HIBADH: variants seen among roughly 807,000 people sequenced by gnomAD.
HIBADH encodes 3-hydroxyisobutyrate dehydrogenase, also known as 3-hydroxyisobutyrate dehydrogenase, mitochondrial.
In HIBADH, 25 loss-of-function variants were observed where a neutral mutation model predicts 36.1. The ratio of observed to expected loss-of-function variants is 0.69; its 90% CI spans 0.50 to 0.97. HIBADH has a LOEUF of 0.97. Among genes scored for constraint, HIBADH ranks in the 50% least tolerant of loss-of-function variants. The pLI is 0.00. For synonymous variants in HIBADH, 160 were observed against 149.5 expected (o/e 1.07, Z -0.51); for missense variants, 421 against 418.0 (o/e 1.01, Z -0.06).
chr7:27,642,915 T>C (rs942864554), intron 2 of HIBADH, among the ~76,000 whole-genome samples: 86 of 152,244 alleles, frequency 5.6e-4, no homozygotes, highest in African/African-American at 1.9e-3. Context: ...CCTCCCAAAG[T>C]GCTGGGATTA....
chr7:27,557,711 A>G (rs1265802458), intron 4 of HIBADH, among the ~76,000 whole-genome samples: 1 of 152,140 alleles, frequency 6.6e-6, no homozygotes, highest in Non-Finnish European at 1.5e-5. Flanking sequence ...AGCTTCTTAT[A>G]AGGGGGCCTA....
intron 1 of HIBADH, among the ~76,000 whole-genome samples, chr7:27,650,255 C>T (rs1375492067): frequency 7.0e-6 from 1 of 143,142 alleles, no homozygotes; most frequent in East Asian, 2.1e-4. Context: ...CCCACAGTTA[C>T]AGAAACCATC....
chr7:27,632,580 CAAAA>C (rs143191859), intron 2 of HIBADH, 135 bp from the exon 3 acceptor site: 1,024 of 200,644 alleles, frequency 5.1e-3, no homozygotes, highest in South Asian at 7.6e-3. Flanking sequence ...TGCAAATGAC[CAAAA>C]AAAAAAAAAA....
At chr7:27,539,056 G>A (rs1020052542) in intron 5 of HIBADH, among the ~76,000 whole-genome samples, 1 of 152,120 alleles carries the variant, frequency 6.6e-6, no homozygotes, top group African/African-American at 2.4e-5. Context: ...CGTTAAGACT[G>A]GGGCAAGGAC....
chr7:27,638,326 AAAAAC>A (rs756011792), intron 2 of HIBADH, among the ~76,000 whole-genome samples: 12,065 of 136,668 alleles, frequency 0.088, 339 homozygotes, highest in Non-Finnish European at 0.12. Context: ...AAAAAAAAAA[AAAAAC>A]AAGCAATAAG....
rs572034253 is a variant in HIBADH at position 27,540,221 on chromosome 7, G to C, written c.619-1804C>G. Among the ~76,000 whole-genome samples the C allele has an allele frequency of 2.0e-5, 3 of 152,286 alleles. No individual in the cohort carries two copies. The East Asian group carries it at 5.8e-4, about 29-fold the overall frequency. ...AAGGGTCCATGTTGTAAAAGAAGTT[G>C]AAAGGAGTCTTGAATAATCAGAACC... On this transcript the variant is annotated intron_variant, in intron 5 of 7. Transcript: ENST00000265395.
Position 27,604,032 on chromosome 7 carries a change from C to T in HIBADH, c.484+25339G>A, listed in dbSNP as rs139019061. ...TCAGTACATCGCCCCTCCTCCTCCA[C>T]TTAGACAGTATTGCCTTTTATATCT... On this transcript the variant is annotated intron_variant, in intron 4 of 7. Coordinates refer to ENST00000265395, the MANE Select transcript of HIBADH (RefSeq NM_152740.4). 3.9e-5 allele frequency among the ~76,000 whole-genome samples: 6 copies of T among 152,232 alleles called. No homozygotes were observed. The East Asian group carries it at 1.2e-3, about 29-fold the overall frequency.
intron 4 of HIBADH, among the ~76,000 whole-genome samples, chr7:27,627,318 C>T (rs1281099618): frequency 1.3e-5 from 2 of 152,164 alleles, no homozygotes; most frequent in African/African-American, 4.8e-5. Flanking sequence ...TTCTTCATCT[C>T]CCTGTCCCAG....
intron 4 of HIBADH, among the ~76,000 whole-genome samples, chr7:27,619,701 C>A (rs1366447424): frequency 6.6e-6 from 1 of 151,988 alleles, no homozygotes; most frequent in Non-Finnish European, 1.5e-5. Flanking sequence ...CAACAATAAA[C>A]TACACAAGGA....
At chr7:27,616,880 A>T (rs1188454812) in intron 4 of HIBADH, among the ~76,000 whole-genome samples, 1 of 152,198 alleles carries the variant, frequency 6.6e-6, no homozygotes, top group Non-Finnish European at 1.5e-5. Flanking sequence ...ACAGCTGTAT[A>T]ATGTGTTGCT....
chr7:27,530,390 A>G (rs1583554693), intron 7 of HIBADH, among the ~76,000 whole-genome samples: 1 of 152,104 alleles, frequency 6.6e-6, no homozygotes, highest in Non-Finnish European at 1.5e-5. Context: ...TATTTTTAGT[A>G]GAAACTGGGT....
chr7:27,599,599 G>C (rs547330796), intron 4 of HIBADH, among the ~76,000 whole-genome samples: 1 of 144,096 alleles, frequency 6.9e-6, no homozygotes, highest in African/African-American at 2.7e-5. Context: ...GGAGAATGGC[G>C]TGAACCCGGG....
intron 4 of HIBADH, among the ~76,000 whole-genome samples, chr7:27,552,154 G>GCACAA (rs547307286): frequency 9.2e-4 from 140 of 152,272 alleles, no homozygotes; most frequent in African/African-American, 3.0e-3. Context: ...AGATTGCCGT[G>GCACAA]CACAATCAGT....
intron 7 of HIBADH, 119 bp downstream of exon 7, chr7:27,531,073 T>C (rs951152734): frequency 1.1e-6 from 1 of 937,028 alleles, no homozygotes; most frequent in African/African-American, 1.6e-5. Context: ...TGAGAGTGAA[T>C]ATTCTAGTAA....
rs377239056 is a variant in HIBADH at position 27,588,123 on chromosome 7, T to C, written c.484+41248A>G. 3.2e-4 allele frequency among the ~76,000 whole-genome samples: 49 copies of C among 152,288 alleles called. No homozygotes were observed. In the South Asian group the frequency reaches 0.01, roughly 32 times the overall value. The stretch of plus-strand genomic sequence containing the variant: ...TTACTCTGAAAATAACAGTTAACTG[T>C]TGATTACAAAACTAAAAAAATGAAA... On this transcript the variant is annotated intron_variant, in intron 4 of 7. Coordinates refer to ENST00000265395, the MANE Select transcript of HIBADH (RefSeq NM_152740.4).
chr7:27,583,528 A>G (rs747604974), intron 4 of HIBADH, among the ~76,000 whole-genome samples: 1 of 152,048 alleles, frequency 6.6e-6, no homozygotes, highest in Non-Finnish European at 1.5e-5. Flanking sequence ...TTATATATTA[A>G]TAACTTTTTG....
At chr7:27,615,167 G>C (rs894214072) in intron 4 of HIBADH, among the ~76,000 whole-genome samples, 3 of 152,142 alleles carry the variant, frequency 2.0e-5, no homozygotes, top group Non-Finnish European at 4.4e-5. Context: ...AAATAAAATG[G>C]ATACAAATGG....
At chr7:27,572,890 C>A (rs551846617) in intron 4 of HIBADH, among the ~76,000 whole-genome samples, 5 of 151,870 alleles carry the variant, frequency 3.3e-5, no homozygotes, top group African/African-American at 1.2e-4. Context: ...TATTGTCATA[C>A]AAAAGTTAAA....
At chr7:27,537,484 A>G (rs12670250) in intron 6 of HIBADH, among the ~76,000 whole-genome samples, 32,274 of 152,118 alleles carry the variant, frequency 0.21, 4,412 homozygotes, top group East Asian at 0.51. Flanking sequence ...GTTTTGTGAT[A>G]TATTTGGTAA....
Sources: allele counts gnomAD v4.1 joint callset (sites outside exome capture counted in the v4.1 genomes callset), GRCh38; gene constraint gnomAD v4.1.1; transcripts MANE v1.5; gene names NCBI Gene and HGNC (gene_info 2026-07-23, HGNC 2026-07-21).